Variants in ADAP2 observed in about 807,000 individuals in gnomAD.
ADAP2 encodes the protein arf-GAP with dual PH domain-containing protein 2.
ADAP2 carries 42 observed loss-of-function variants against 54.9 expected under a neutral mutation model. That is an observed-to-expected ratio of 0.77 (90% CI 0.60 to 0.99). ADAP2 has a LOEUF of 0.99. ADAP2 is among the 50% of genes least tolerant of loss of function. The pLI, the probability that ADAP2 is intolerant of heterozygous loss-of-function variation, is 0.00. For missense variants in ADAP2, 429 were observed against 480.4 expected, an observed-to-expected ratio of 0.89 and a Z score of 1.00; for synonymous variants, 177 against 180.1, an observed-to-expected ratio of 0.98 and a Z score of 0.14.
At chr17:30,938,926 A>G (rs866846089) in intron 5 of ADAP2, among the ~76,000 whole-genome samples, 1 of 152,300 alleles carries the variant, frequency 6.6e-6, no homozygotes, top group Non-Finnish European at 1.5e-5. Context: ...ATCACTACAC[A>G]TTATATACAT....
chr17:30,955,291 T>A lies in ADAP2; in HGVS notation c.882+736T>A, dbSNP rs1055857780. Among the ~76,000 whole-genome samples the A allele has an allele frequency of 3.3e-5, 5 of 151,204 alleles. No homozygotes were observed. In the East Asian group the frequency reaches 7.8e-4, roughly 24 times the overall value. On this transcript the variant is annotated intron_variant, in intron 9 of 10. Coordinates refer to ENST00000330889, the MANE Select transcript of ADAP2 (RefSeq NM_018404.3). The stretch of plus-strand genomic sequence containing the variant: ...TGCCCAGCTAATTAAAAAAAAAAAA[T>A]TTAGGGCTGGATGTGCTGCCTTTTG...
At chr17:30,937,894 A>T (rs926697581) in intron 5 of ADAP2, among the ~76,000 whole-genome samples, 1 of 152,222 alleles carries the variant, frequency 6.6e-6, no homozygotes, top group African/African-American at 2.4e-5. Context: ...CATCCAGTAG[A>T]GACATGGGGA....
intron 2 of ADAP2, among the ~76,000 whole-genome samples, chr17:30,926,509 C>A (rs551770065): frequency 6.6e-6 from 1 of 152,280 alleles, no homozygotes; most frequent in Non-Finnish European, 1.5e-5. Context: ...AGCTGTGTTT[C>A]CTTGAACAAG....
At chr17:30,955,713 A>G (rs1359753047) in intron 9 of ADAP2, among the ~76,000 whole-genome samples, 1 of 150,892 alleles carries the variant, frequency 6.6e-6, no homozygotes, top group African/African-American at 2.4e-5. Flanking sequence ...AAAAAAAAAA[A>G]GAAAGAAAAA....
intron 5 of ADAP2, among the ~76,000 whole-genome samples, chr17:30,943,891 A>G (rs1912460967): frequency 8.0e-6 from 1 of 125,592 alleles, no homozygotes; most frequent in Non-Finnish European, 1.8e-5. Context: ...AAATAAATAA[A>G]TAAATAAGAA....
Position 30,949,193 on chromosome 17 carries a change from A to C in ADAP2, c.658-94A>C, listed in dbSNP as rs1904395406. 12 of 987,220 alleles carry C rather than the reference A, an allele frequency of 1.2e-5. No homozygotes were observed. In the South Asian group the frequency reaches 1.7e-4, roughly 14 times the overall value. The allele number at this position is 987,220 out of a possible 1,614,324, so 61.2% of individuals were successfully genotyped here. On this transcript the variant is annotated intron_variant, in intron 6 of 10. Transcript: ENST00000330889. ...CAGGTGCTGAATATATGTGCCCCACACCCAATGCCCAGCTAGCTTCCCGCC... is the reference window on the plus strand; with the variant it reads ...CAGGTGCTGAATATATGTGCCCCACCCCCAATGCCCAGCTAGCTTCCCGCC...
intron 5 of ADAP2, among the ~76,000 whole-genome samples, chr17:30,937,336 C>T (rs1414026826): frequency 6.6e-6 from 1 of 152,002 alleles, no homozygotes; most frequent in Non-Finnish European, 1.5e-5. Context: ...ATTCCCCTGC[C>T]TCAGCCTCCC....
Position 30,949,364 on chromosome 17 carries a change from G to A in ADAP2, c.735G>A (p.Glu245=), listed in dbSNP as rs997845330. 2 of 1,614,080 alleles carry A rather than the reference G, an allele frequency of 1.2e-6. No individual in the cohort carries two copies. Among genetic ancestry groups the A allele is most frequent in the Non-Finnish European group, 1.7e-6 (2 of 1,179,930 alleles). The change falls in exon 7 of 11, where the codon GAG becomes GAA. Residue 245 remains glutamate (E), a synonymous_variant. Coordinates refer to ENST00000330889, the MANE Select transcript of ADAP2 (RefSeq NM_018404.3). The part of the protein sequence containing the change: ...YLKMAFPELP[E]SELVPFLTRN... ...AAATGGCCTTTCCTGAACTCCCAGAGTCTGAGGTGAGCTAAATGCGGACCC... is the reference window on the plus strand; with the variant it reads ...AAATGGCCTTTCCTGAACTCCCAGAATCTGAGGTGAGCTAAATGCGGACCC...
intron 3 of ADAP2, among the ~76,000 whole-genome samples, chr17:30,929,198 A>G (rs1389997456): frequency 6.6e-6 from 1 of 152,266 alleles, no homozygotes; most frequent in African/African-American, 2.4e-5. Context: ...CAACATCCTC[A>G]TCTCTGAAAT....
Position 30,953,270 on chromosome 17 carries a change from T to C in ADAP2, c.742-18T>C, listed in dbSNP as rs868036809. On this transcript the variant is annotated intron_variant, in intron 7 of 10. Transcript: ENST00000330889. ...TTGGGGTGTGAGTTGGGGGTCAGTG[T>C]CTGTCTCTCTTCCCCAGCTCGTGCC... 3 of 1,613,958 alleles carry C rather than the reference T, an allele frequency of 1.9e-6. No individual in the cohort carries two copies. Among genetic ancestry groups the C allele is most frequent in the African/African-American group, 2.7e-5 (2 of 75,022 alleles).
At chr17:30,945,285 G>A (rs1371280317) in intron 6 of ADAP2, among the ~76,000 whole-genome samples, 1 of 152,196 alleles carries the variant, frequency 6.6e-6, no homozygotes, top group Admixed American at 6.5e-5. Context: ...TCTGGACAGT[G>A]CACAGCCACC....
intron 9 of ADAP2, 103 bp downstream of exon 9, chr17:30,954,658 C>A: frequency 1.0e-6 from 1 of 986,762 alleles, no homozygotes; most frequent in African/African-American, 1.6e-5. Context: ...TCTCCCAGAG[C>A]CCCAGAGCTA....
At chr17:30,922,882 G>T in intron 1 of ADAP2, 58 bp from the exon 2 acceptor site, 1 of 1,592,922 alleles carries the variant, frequency 6.3e-7, no homozygotes, top group South Asian at 1.1e-5. Context: ...CCCGAGCCCA[G>T]CCCTGGTTTC....
Position 30,934,218 on chromosome 17 carries a change from G to T in ADAP2, c.431G>T (p.Arg144Met). Residue 144 changes from arginine to methionine, a missense_variant, in exon 5 of 11, where the codon AGG becomes ATG. Transcript: ENST00000330889. ...NREGFLWKRG[R>M]DNSQFLRRKF... The stretch of plus-strand genomic sequence containing the variant: ...GAAGGATTCCTGTGGAAGCGAGGAA[G>T]GGACAACTCACAGTTTCTGAGAAGG... The T allele has an allele frequency of 6.2e-7, 1 of 1,614,084 alleles. No individual in the cohort carries two copies.
chr17:30,944,980 C>G lies in ADAP2; in HGVS notation c.584C>G (p.Pro195Arg). 5 of 1,614,096 alleles carry G rather than the reference C, an allele frequency of 3.1e-6. No individual in the cohort carries two copies. Among genetic ancestry groups the G allele is most frequent in the Non-Finnish European group, 4.2e-6 (5 of 1,180,008 alleles). Residue 195 changes from proline (P) to arginine (R), a missense_variant, in exon 6 of 11, where the codon CCC becomes CGC. Transcript: ENST00000330889. ...TTCCAGACAGAGAAGATAGGGCACC[C>G]CCATGGGCTGCAGATCACCTACAGG... Reference protein sequence around the residue: ...ATFQTEKIGHPHGLQITYRRD... With the variant: ...ATFQTEKIGHRHGLQITYRRD...
Position 30,957,845 on chromosome 17 carries a change from A to G in ADAP2, c.1122A>G (p.Thr374=), listed in dbSNP as rs1480385099. The change falls in exon 11 of 11, where the codon ACA becomes ACG. Residue 374 remains threonine, a synonymous_variant. Transcript: ENST00000330889. The part of the protein sequence containing the change: ...LTPLNRLTAS[T]ESGRSSR ...TCATTTCCCTTGCAGCTGCATCAACAGAGAGTGGCCGCAGCAGCAGGTGAC... is the reference window on the plus strand; with the variant it reads ...TCATTTCCCTTGCAGCTGCATCAACGGAGAGTGGCCGCAGCAGCAGGTGAC... 2.5e-6 allele frequency: 4 copies of G among 1,613,590 alleles called. No individual in the cohort carries two copies. Among genetic ancestry groups the G allele is most frequent in the East Asian group, 4.5e-5 (2 of 44,884 alleles).
intron 6 of ADAP2, 140 bp downstream of exon 6, chr17:30,945,193 C>A: frequency 1.0e-6 from 1 of 986,992 alleles, no homozygotes; most frequent in Non-Finnish European, 1.5e-6. Flanking sequence ...CTTAATCTAT[C>A]ATTGCCTCCC....
intron 3 of ADAP2, among the ~76,000 whole-genome samples, chr17:30,928,616 A>G (rs1263405081): frequency 6.6e-6 from 1 of 152,224 alleles, no homozygotes; most frequent in Non-Finnish European, 1.5e-5. Flanking sequence ...TCCCTATGCT[A>G]TAGATGAAAA....
intron 7 of ADAP2, among the ~76,000 whole-genome samples, chr17:30,952,529 C>G (rs1567726539): frequency 6.6e-6 from 1 of 152,168 alleles, no homozygotes. Flanking sequence ...GCGCGTGCCA[C>G]CATGCCCAGC....
Sources: allele counts gnomAD v4.1 joint callset (sites outside exome capture counted in the v4.1 genomes callset), GRCh38; gene constraint gnomAD v4.1.1; transcripts MANE v1.5; gene names NCBI Gene and HGNC (gene_info 2026-07-23, HGNC 2026-07-21).